PBRM1: variants seen among roughly 807,000 people sequenced by gnomAD.
PBRM1 encodes the protein polybromo 1.
Under a neutral mutation model 194.5 loss-of-function variants are expected in PBRM1, and 27 were observed. The ratio of observed to expected loss-of-function variants is 0.14; its 90% CI spans 0.10 to 0.19. The LOEUF (loss-of-function observed/expected upper bound fraction) is 0.19. Among genes scored for constraint, PBRM1 ranks in the 10% least tolerant of loss-of-function variants. The probability of loss-of-function intolerance (pLI) is 1.00; values close to 1 mark genes in which losing one functional copy is unlikely to be tolerated. For synonymous variants in PBRM1, 655 were observed against 693.2 expected (o/e 0.94, Z 0.87); for missense variants, 1,466 against 2,077.2 (o/e 0.71, Z 5.72).
intron 2 of PBRM1, among the ~76,000 whole-genome samples, chr3:52,674,646 ATATAT>A: frequency 1.6e-5 from 1 of 62,898 alleles, no homozygotes; most frequent in East Asian, 5.5e-4. Context: ...AAAAAAAAAT[ATATAT>A]ATATATATAT....
At position 52,609,253 on chromosome 3, in the gene PBRM1, T is replaced by G. The variant is rs2094497134; in HGVS notation, c.2567+60A>C. On this transcript the variant is annotated intron_variant, in intron 16 of 29. Transcript: ENST00000296302. This position sits in a 1 kb window ranked among gnomAD's most constrained non-coding sequence, Gnocchi z 4.1. ...AATAGTACATCAAAGCAATATTCTT[T>G]CATCTGTTTTGTATTAAATAGCACA... 1.3e-5 allele frequency: 17 copies of G among 1,273,068 alleles called. No homozygotes were observed. Among genetic ancestry groups the G allele is most frequent in the Non-Finnish European group, 1.8e-5 (16 of 899,398 alleles). 78.9% of individuals were successfully genotyped at this position (1,273,068 alleles called of 1,614,324 possible).
Position 52,609,321 on chromosome 3 carries a change from C to G in PBRM1, c.2559G>C (p.Arg853Ser), listed in dbSNP as rs745413697. Residue 853 changes from arginine to serine, a missense_variant, in exon 16 of 30, where the codon AGG (arginine) becomes AGC (serine). Arg to Ser is a moderately radical substitution (Grantham distance 110). Transcript: ENST00000296302. This position sits in a 1 kb window ranked among gnomAD's most constrained non-coding sequence, Gnocchi z 4.1. The stretch of plus-strand genomic sequence containing the variant: ...TGGCTTTGAAAACATACCGATTCAT[C>G]CTTCTTGCTCGTTCCAATACTTCAA... 1.2e-6 allele frequency: 2 copies of G among 1,610,208 alleles called. No individual in the cohort carries two copies. The highest frequency in any genetic ancestry group is 1.7e-6 in the Non-Finnish European group (2 of 1,177,668).
intron 2 of PBRM1, among the ~76,000 whole-genome samples, chr3:52,671,996 A>C (rs1306110375): frequency 1.3e-5 from 2 of 152,208 alleles, no homozygotes; most frequent in Non-Finnish European, 2.9e-5. Flanking sequence ...CACAAACTTC[A>C]GGGCTTAAAA....
At chr3:52,636,529 G>A (rs1184106123) in intron 10 of PBRM1, among the ~76,000 whole-genome samples, 2 of 151,172 alleles carry the variant, frequency 1.3e-5, no homozygotes, top group Non-Finnish European at 2.9e-5. Flanking sequence ...AGGCCAAGGC[G>A]GGCAAATCAT....
chr3:52,622,223 A>C (rs1045088454), intron 13 of PBRM1, among the ~76,000 whole-genome samples: 1 of 151,968 alleles, frequency 6.6e-6, no homozygotes, highest in African/African-American at 2.4e-5. Flanking sequence ...CCTGTATCCC[A>C]GCTACTTAGG....
At chr3:52,672,491 C>CTTTTTTTTT (rs34792299) in intron 2 of PBRM1, among the ~76,000 whole-genome samples, 1 of 103,860 alleles carries the variant, frequency 9.6e-6, no homozygotes, top group Non-Finnish European at 1.9e-5. Flanking sequence ...TTTTTTTTGG[C>CTTTTTTTTT]TTTTTTTTTT....
At chr3:52,664,527 G>C (rs1052968608) in intron 3 of PBRM1, among the ~76,000 whole-genome samples, 8 of 151,854 alleles carry the variant, frequency 5.3e-5, no homozygotes, top group African/African-American at 1.7e-4. Context: ...CCTGAGGTCG[G>C]GAGTTCAAGT....
chr3:52,670,629 G>A (rs939976945), intron 2 of PBRM1, among the ~76,000 whole-genome samples: 4 of 152,226 alleles, frequency 2.6e-5, no homozygotes, highest in African/African-American at 7.2e-5. Context: ...CAGACAGCCT[G>A]CCGGCTACTC....
chr3:52,548,259 C>G, intron 29 of PBRM1, 24 bp from the exon 32 acceptor site: 5 of 1,534,378 alleles, frequency 3.3e-6, no homozygotes, highest in Non-Finnish European at 4.4e-6. Flanking sequence ...TACAGAGAGA[C>G]AGAAATTAGA....
intron 11 of PBRM1, 47 bp from the exon 13 acceptor site, chr3:52,629,082 T>C: frequency 6.9e-7 from 1 of 1,456,526 alleles, no homozygotes; most frequent in Non-Finnish European, 9.4e-7. Context: ...ATGAAAATTA[T>C]GAAACATTCT....
intron 21 of PBRM1, among the ~76,000 whole-genome samples, chr3:52,577,178 C>G (rs947315397): frequency 1.3e-5 from 2 of 152,166 alleles, no homozygotes; most frequent in Non-Finnish European, 2.9e-5. Context: ...CGCCTGTAAT[C>G]CCAGCACTTT....
chr3:52,636,614 G>A (rs925818865), intron 10 of PBRM1, among the ~76,000 whole-genome samples: 15 of 151,206 alleles, frequency 9.9e-5, no homozygotes, highest in East Asian at 7.9e-4. Flanking sequence ...AAAATTAGCC[G>A]GGTGTGGTGG....
At chr3:52,608,471 T>A (rs3774365) in intron 16 of PBRM1, among the ~76,000 whole-genome samples, 1 of 151,932 alleles carries the variant, frequency 6.6e-6, no homozygotes, top group Non-Finnish European at 1.5e-5. Context: ...GTTTTTTTTC[T>A]TTTATTTGCA....
At chr3:52,625,832 C>A (rs2095429868) in intron 13 of PBRM1, among the ~76,000 whole-genome samples, 1 of 152,142 alleles carries the variant, frequency 6.6e-6, no homozygotes, top group Non-Finnish European at 1.5e-5. Context: ...CCTGGCTCGG[C>A]CTCCCAAAAT....
intron 26 of PBRM1, among the ~76,000 whole-genome samples, chr3:52,555,592 C>T (rs1309194771): frequency 6.6e-6 from 1 of 152,198 alleles, no homozygotes; most frequent in Non-Finnish European, 1.5e-5. Context: ...CAGGAGCCTA[C>T]ACACAGACTT....
In PBRM1 at chr3:52,609,665, T is replaced by G; in HGVS notation, c.2215A>C (p.Asn739His). The G allele has an allele frequency of 6.2e-7, 1 of 1,613,618 alleles. No homozygotes were observed. Among genetic ancestry groups the G allele is most frequent in the Non-Finnish European group, 8.5e-7 (1 of 1,179,586 alleles). ...TTGTAGATCAAAGACTCCGGCTCAT[T>G]GTATGTACAGGCATTATTAAACATC... Residue 739 changes from asparagine to histidine, a missense_variant, in exon 16 of 30, where the codon AAT becomes CAT. Coordinates refer to ENST00000296302, the Ensembl canonical transcript of PBRM1. The surrounding 1 kb of genome is among the most constrained non-coding windows in gnomAD (Gnocchi z 4.1).
At chr3:52,587,260 G>T (rs2092524635) in intron 19 of PBRM1, 93 bp downstream of exon 21, 1 of 952,330 alleles carries the variant, frequency 1.1e-6, no homozygotes, top group Non-Finnish European at 1.6e-6. Context: ...TTAAAACAGA[G>T]TTCCTAATTT....
intron 15 of PBRM1, among the ~76,000 whole-genome samples, chr3:52,612,563 C>T (rs915336195): frequency 3.3e-5 from 5 of 152,036 alleles, no homozygotes; most frequent in African/African-American, 1.2e-4. Context: ...GAGTTACTGG[C>T]ATGTGGAAAG....
At chr3:52,651,903 A>C in intron 5 of PBRM1, 93 bp from the exon 7 acceptor site, 1 of 779,804 alleles carries the variant, frequency 1.3e-6, no homozygotes, top group Non-Finnish European at 2.1e-6. Context: ...TGTTCAAACA[A>C]CCAGTGAAGC....
Sources: gnomAD v4.1 joint callset for allele counts (sites outside exome capture counted in the v4.1 genomes callset) on GRCh38, gnomAD v4.1.1 for gene constraint, Gnocchi (gnomAD v3.1) non-coding constraint, MANE v1.5 for transcripts, NCBI Gene and HGNC (gene_info 2026-07-23, HGNC 2026-07-21) for gene names.